Variants in NRXN1 observed in about 807,000 individuals in gnomAD.
NRXN1 encodes neurexin 1, also known as neurexin-1.
In NRXN1, 39 loss-of-function variants were observed where a neutral mutation model predicts 150.9. The observed-to-expected ratio is 0.26, with a 90% CI of 0.20 to 0.34. The LOEUF (loss-of-function observed/expected upper bound fraction) is 0.34, where lower values mean the gene tolerates loss of function less well. NRXN1 is among the 10% of genes least tolerant of loss of function. The pLI is 1.00. For missense variants in NRXN1, 1,815 were observed against 1,949.9 expected (o/e 0.93, Z 1.30); for synonymous variants, 924 against 757.0 (o/e 1.22, Z -3.62).
At chr2:50,059,400 A>C (rs544450149) in intron 19 of NRXN1, among the ~76,000 whole-genome samples, 92 of 152,326 alleles carry the variant, frequency 6.0e-4, no homozygotes, top group African/African-American at 2.1e-3. Flanking sequence ...TTCATTTATA[A>C]AGATACAGTT....
chr2:51,008,810 A>T (rs1667420861), intron 2 of NRXN1, among the ~76,000 whole-genome samples: 1 of 151,936 alleles, frequency 6.6e-6, no homozygotes, highest in East Asian at 2.0e-4. Flanking sequence ...TTGTAGTCAT[A>T]TACTTCTATT....
Position 50,465,681 on chromosome 2 carries a change from T to G in NRXN1, c.3245-120A>C, listed in dbSNP as rs10168838. 0.96 allele frequency: 1,039,660 copies of G among 1,080,824 alleles called. 502,836 individuals carry two copies. The highest frequency in any genetic ancestry group is 0.98 in the Non-Finnish European group (779,619 of 793,468). 67.0% of individuals were successfully genotyped at this position (1,080,824 alleles called of 1,614,324 possible). ...CAGATGATATGTCCAAACTAGTTTTTAAAGTTCTAGTTCACACACCTGAAT... is the reference window on the plus strand; with the variant it reads ...CAGATGATATGTCCAAACTAGTTTTGAAAGTTCTAGTTCACACACCTGAAT... On this transcript the variant is annotated intron_variant, in intron 16 of 22. Coordinates refer to ENST00000401669, the MANE Select transcript of NRXN1 (RefSeq NM_001330078.2).
intron 5 of NRXN1, chr2:50,632,291 T>A (rs1189407691): frequency 6.6e-6 from 1 of 152,032 alleles, no homozygotes; most frequent in African/African-American, 2.4e-5. Context: ...ATGCAAATAT[T>A]GTGGCCATCT....
intron 17 of NRXN1, among the ~76,000 whole-genome samples, chr2:50,371,047 C>A (rs1322961013): frequency 6.6e-6 from 1 of 152,062 alleles, no homozygotes; most frequent in Middle Eastern, 3.4e-3. Flanking sequence ...CATGCACATG[C>A]ATGATTGTAT....
At chr2:50,961,134 AT>A (rs766061423) in intron 2 of NRXN1, among the ~76,000 whole-genome samples, 4 of 152,044 alleles carry the variant, frequency 2.6e-5, no homozygotes, top group African/African-American at 4.8e-5. Flanking sequence ...AGAAATAATT[AT>A]TTATTCCCAT....
chr2:50,953,300 G>C (rs1490137036), intron 2 of NRXN1, among the ~76,000 whole-genome samples: 1 of 152,166 alleles, frequency 6.6e-6, no homozygotes, highest in Admixed American at 6.5e-5. Flanking sequence ...TAATGAGGTT[G>C]TTACAACATA....
intron 17 of NRXN1, among the ~76,000 whole-genome samples, chr2:50,397,935 C>T (rs2082149851): frequency 6.6e-6 from 1 of 152,010 alleles, no homozygotes; most frequent in Non-Finnish European, 1.5e-5. Context: ...CAAAACCTTG[C>T]AATGTTCTTA....
intron 5 of NRXN1, among the ~76,000 whole-genome samples, chr2:50,651,470 G>GTAACATAACA (rs879408695): frequency 7.3e-6 from 1 of 137,898 alleles, no homozygotes; most frequent in African/African-American, 2.7e-5. Context: ...ATAACATAAC[G>GTAACATAACA]TAACATGACA....
chr2:50,485,872 T>C (rs768964357), intron 15 of NRXN1, among the ~76,000 whole-genome samples: 4 of 152,188 alleles, frequency 2.6e-5, no homozygotes, highest in African/African-American at 7.2e-5. Flanking sequence ...CAAAAAGCTG[T>C]CGAAAGATAA....
At chr2:50,450,368 A>G (rs76762151) in intron 17 of NRXN1, among the ~76,000 whole-genome samples, 4,398 of 152,092 alleles carry the variant, frequency 0.029, 230 homozygotes, top group African/African-American at 0.098. Context: ...CATTCCATAA[A>G]TATATACTGA....
chr2:50,297,138 C>A (rs978161743), intron 17 of NRXN1, among the ~76,000 whole-genome samples: 3 of 152,168 alleles, frequency 2.0e-5, no homozygotes, highest in Non-Finnish European at 4.4e-5. Flanking sequence ...ATGCACCCGC[C>A]TCAGCCTCCC....
chr2:50,530,286 C>T (rs147001968), intron 11 of NRXN1, among the ~76,000 whole-genome samples: 269 of 152,084 alleles, frequency 1.8e-3, no homozygotes, highest in African/African-American at 6.0e-3. Context: ...AAAAGCCAAG[C>T]GTGGGAAGAA....
intron 21 of NRXN1, among the ~76,000 whole-genome samples, chr2:49,990,266 C>T (rs1180789392): frequency 6.6e-6 from 1 of 151,940 alleles, no homozygotes; most frequent in Non-Finnish European, 1.5e-5. Flanking sequence ...ACTGCCAAGG[C>T]CCTAAGATAA....
intron 21 of NRXN1, among the ~76,000 whole-genome samples, chr2:50,033,290 C>T (rs72889550): frequency 6.6e-6 from 1 of 151,838 alleles, no homozygotes; most frequent in African/African-American, 2.4e-5. Context: ...CATGGACCAA[C>T]AGAACAGAAC....
chr2:50,786,453 G>A (rs910088081), intron 5 of NRXN1, among the ~76,000 whole-genome samples: 1 of 152,134 alleles, frequency 6.6e-6, no homozygotes, highest in Non-Finnish European at 1.5e-5. Flanking sequence ...CTCAGCACCT[G>A]CCAACACAGG....
At chr2:50,639,287 C>G (rs1254067578) in intron 5 of NRXN1, among the ~76,000 whole-genome samples, 1 of 144,246 alleles carries the variant, frequency 6.9e-6, no homozygotes. Context: ...GTGGCATGAT[C>G]TCAGCTCATT....
intron 5 of NRXN1, among the ~76,000 whole-genome samples, chr2:50,782,350 G>A (rs1412891561): frequency 6.6e-6 from 1 of 151,948 alleles, no homozygotes; most frequent in Non-Finnish European, 1.5e-5. Flanking sequence ...CATGCTTGTA[G>A]TCCCAGCTAC....
intron 17 of NRXN1, among the ~76,000 whole-genome samples, chr2:50,246,263 T>C (rs1349956068): frequency 1.3e-5 from 2 of 152,056 alleles, no homozygotes; most frequent in Non-Finnish European, 2.9e-5. Context: ...TCCTTATTTT[T>C]ACCACAGTCA....
intron 8 of NRXN1, among the ~76,000 whole-genome samples, chr2:50,610,050 G>A (rs1677772446): frequency 6.6e-6 from 1 of 151,916 alleles, no homozygotes; most frequent in African/African-American, 2.4e-5. Flanking sequence ...TGATTTTCCT[G>A]GGGAAAAAAA....
Sources: allele counts gnomAD v4.1 joint callset (sites outside exome capture counted in the v4.1 genomes callset), GRCh38; gene constraint gnomAD v4.1.1; transcripts MANE v1.5; gene names NCBI Gene and HGNC (gene_info 2026-07-23, HGNC 2026-07-21).